The following PSAP variants were observed in gnomAD, a reference collection of about 807,000 sequenced individuals.
PSAP encodes the protein prosaposin, also known as precursor of saposins.
Under a neutral mutation model 66.0 loss-of-function variants are expected in PSAP, and 25 were observed. The observed-to-expected ratio is 0.38, with a 90% CI of 0.28 to 0.53. The LOEUF is 0.53. Among genes scored for constraint, PSAP ranks in the 20% least tolerant of loss-of-function variants. The pLI is 0.83. For synonymous variants in PSAP, 273 were observed against 258.9 expected (o/e 1.05, Z -0.52); for missense variants, 649 against 668.8 (o/e 0.97, Z 0.33).
Position 71,835,081 on chromosome 10 carries a change from A to C in PSAP, c.41-576T>G, listed in dbSNP as rs552588064. Among the ~76,000 whole-genome samples, 7 of 150,614 alleles carry C rather than the reference A, an allele frequency of 4.6e-5. No individual in the cohort carries two copies. The South Asian group carries it at 1.3e-3, about 27-fold the overall frequency. On this transcript the variant is annotated intron_variant, in intron 1 of 13. Transcript: ENST00000394936. ...GAAACCCCATCTCTACTAAAAATAC[A>C]AAAAAAAACAATTAGCCAGGTGTGG...
chr10:71,819,853 C>T lies in PSAP; in HGVS notation c.1053G>A (p.Lys351=). The T allele has an allele frequency of 1.2e-6, 2 of 1,614,208 alleles. No homozygotes were observed. Among genetic ancestry groups the T allele is most frequent in the Non-Finnish European group, 1.7e-6 (2 of 1,180,038 alleles). ...CCTCCTGGCACTCTTCCGACAGGGA[C>T]TTCGGCAGCTTCGAGCACATTTTGT... ...AFDKMCSKLP[K]SLSEECQEVV... is the part of the protein sequence containing the mutation. Residue 351 remains lysine, a synonymous_variant, in exon 10 of 14, where the codon AAG becomes AAA. Coordinates refer to ENST00000394936, the MANE Select transcript of PSAP (RefSeq NM_002778.4).
chr10:71,834,821 C>G (rs1172609207), intron 1 of PSAP, among the ~76,000 whole-genome samples: 12 of 152,268 alleles, frequency 7.9e-5, no homozygotes, highest in Admixed American at 5.9e-4. Context: ...TCATCATAAC[C>G]TTAAAATGTT....
intron 7 of PSAP, among the ~76,000 whole-genome samples, chr10:71,823,171 C>A (rs1191669442): frequency 6.6e-6 from 1 of 152,166 alleles, no homozygotes; most frequent in South Asian, 2.1e-4. Context: ...AGCTCCAATG[C>A]TAATCCTAGC....
chr10:71,840,496 A>G (rs1842715534), intron 1 of PSAP, among the ~76,000 whole-genome samples: 1 of 152,264 alleles, frequency 6.6e-6, no homozygotes, highest in Non-Finnish European at 1.5e-5. Flanking sequence ...CTCATAGATA[A>G]TCCTGCCTTT....
At position 71,828,894 on chromosome 10, in the gene PSAP, T is replaced by C; in HGVS notation, c.559A>G (p.Ser187Gly). Residue 187 changes from serine to glycine, a missense_variant, in exon 5 of 14, where the codon AGC (serine) becomes GGC (glycine). By Grantham distance (56) the Ser-to-Gly change is moderately conservative (BLOSUM62 0). Transcript: ENST00000394936. Reference sequence around the variant, plus strand: ...TGTCTTACCTTTGGCTGGGGCTTGCTGCGGGGGCCGTCCTGAGGGTAGAGG... The same window carrying C: ...TGTCTTACCTTTGGCTGGGGCTTGCCGCGGGGGCCGTCCTGAGGGTAGAGG... The part of the protein sequence containing the change: ...LLLYPQDGPR[S>G]KPQPKDNGDV... 1 of 1,614,044 alleles carries C rather than the reference T, an allele frequency of 6.2e-7. No homozygotes were observed. The highest frequency in any genetic ancestry group is 8.5e-7 in the Non-Finnish European group (1 of 1,179,994).
chr10:71,832,239 A>C (rs1302393927), intron 2 of PSAP, among the ~76,000 whole-genome samples: 1 of 152,186 alleles, frequency 6.6e-6, no homozygotes, highest in African/African-American at 2.4e-5. Context: ...GCTCAGGTGA[A>C]ATCAGAGTCA....
At chr10:71,834,109 G>A (rs899166321) in intron 2 of PSAP, among the ~76,000 whole-genome samples, 3 of 152,154 alleles carry the variant, frequency 2.0e-5, no homozygotes, top group Non-Finnish European at 4.4e-5. Flanking sequence ...TGGAGCCGCA[G>A]GCATGGGGGA....
chr10:71,824,111 C>T (rs1044506200), intron 7 of PSAP, among the ~76,000 whole-genome samples: 5 of 152,182 alleles, frequency 3.3e-5, no homozygotes, highest in African/African-American at 1.2e-4. Context: ...CCTGGCCCTG[C>T]AGGGATAGAC....
chr10:71,819,736 G>A lies in PSAP; in HGVS notation c.1170C>T (p.Gly390=), dbSNP rs757887601. 2.5e-6 allele frequency: 4 copies of A among 1,613,972 alleles called. No homozygotes were observed. Among genetic ancestry groups the A allele is most frequent in the Middle Eastern group, 1.6e-4 (1 of 6,084 alleles). ...LVCSMLHLCS[G]TRLPALTVHV... ...CACCGGTCAGTGCAGGCAGCCGCGT[G>A]CCAGAGCAGAGGTGCAGCATGCTGC... Residue 390 remains glycine, a synonymous_variant, in exon 10 of 14, where the codon GGC becomes GGT. Coordinates refer to ENST00000394936, the MANE Select transcript of PSAP (RefSeq NM_002778.4).
At chr10:71,845,485 A>C (rs1842805957) in intron 1 of PSAP, among the ~76,000 whole-genome samples, 1 of 152,206 alleles carries the variant, frequency 6.6e-6, no homozygotes, top group South Asian at 2.1e-4. Context: ...TTTGTGTTAA[A>C]AAGAAAAAAG....
chr10:71,825,440 G>A (rs1263070217), intron 7 of PSAP, among the ~76,000 whole-genome samples: 5 of 152,226 alleles, frequency 3.3e-5, no homozygotes, highest in South Asian at 2.1e-4. Flanking sequence ...TGCCATGCAC[G>A]GGACAAACTC....
chr10:71,831,066 C>A (rs1842502167), intron 4 of PSAP, 60 bp downstream of exon 4: 27 of 1,608,474 alleles, frequency 1.7e-5, no homozygotes, highest in Non-Finnish European at 2.2e-5. Context: ...TACTCTGGGC[C>A]ACTGCCTCTC....
At chr10:71,847,323 G>A (rs377759228) in intron 1 of PSAP, among the ~76,000 whole-genome samples, 2 of 152,126 alleles carry the variant, frequency 1.3e-5, no homozygotes, top group African/African-American at 4.8e-5. Flanking sequence ...CCATTTACCC[G>A]AGTGTTCAGG....
At chr10:71,839,628 G>T (rs1327174726) in intron 1 of PSAP, among the ~76,000 whole-genome samples, 1 of 152,082 alleles carries the variant, frequency 6.6e-6, no homozygotes, top group Non-Finnish European at 1.5e-5. Flanking sequence ...GCTGAGGCAG[G>T]AGAATCATTT....
chr10:71,831,628 G>T (rs927113043), intron 3 of PSAP, among the ~76,000 whole-genome samples: 2 of 152,146 alleles, frequency 1.3e-5, no homozygotes, highest in African/African-American at 4.8e-5. Flanking sequence ...TCAAGGAATG[G>T]TGTTTACATT....
At chr10:71,836,076 T>G (rs2133055627) in intron 1 of PSAP, among the ~76,000 whole-genome samples, 1 of 152,264 alleles carries the variant, frequency 6.6e-6, no homozygotes, top group African/African-American at 2.4e-5. Context: ...TCAGATCACC[T>G]TCACCCCTTC....
At position 71,851,233 on chromosome 10, in the gene PSAP, A is replaced by C. The variant is rs1317260357; in HGVS notation, c.-12T>G. On this transcript the variant is annotated 5_prime_UTR_variant, in exon 1 of 14. Coordinates refer to ENST00000394936, the MANE Select transcript of PSAP (RefSeq NM_002778.4). The stretch of plus-strand genomic sequence containing the variant: ...AAGAGGGCGTACATAGCGCCGTCTG[A>C]CTCCGCAGTCTGCAATGCGGAGCGT... The C allele has an allele frequency of 7.1e-6, 11 of 1,550,600 alleles. No homozygotes were observed. In the Admixed American group the frequency reaches 2.2e-4, roughly 30 times the overall value.
chr10:71,849,607 AAAAC>A lies in PSAP; in HGVS notation c.40+1571_40+1574del, dbSNP rs571514122. 2.2e-4 allele frequency among the ~76,000 whole-genome samples: 33 copies of A among 152,130 alleles called. No homozygotes were observed. In the East Asian group the frequency reaches 2.7e-3, roughly 12 times the overall value. On this transcript the variant is annotated intron_variant, in intron 1 of 13. Coordinates refer to ENST00000394936, the MANE Select transcript of PSAP (RefSeq NM_002778.4). Reference sequence around the variant, plus strand: ...CAACAACAGCGAAACTCCGTCTCAAAAAACAAACAAACAAACAAAACAAACAAAC... The same window carrying A: ...CAACAACAGCGAAACTCCGTCTCAAAAAACAAACAAACAAAACAAACAAAC...
At chr10:71,842,039 G>C (rs1391286967) in intron 1 of PSAP, among the ~76,000 whole-genome samples, 1 of 152,048 alleles carries the variant, frequency 6.6e-6, no homozygotes, top group East Asian at 1.9e-4. Context: ...TCTCCGCATG[G>C]GTTAGCTATT....
Sources: allele counts gnomAD v4.1 joint callset (sites outside exome capture counted in the v4.1 genomes callset), GRCh38; gene constraint gnomAD v4.1.1; transcripts MANE v1.5; gene names NCBI Gene and HGNC (gene_info 2026-07-23, HGNC 2026-07-21).